Variants in MRPL45 observed in about 807,000 individuals in gnomAD.
MRPL45 encodes the protein large ribosomal subunit protein mL45.
A neutral mutation model predicts 38.1 loss-of-function variants in MRPL45; 20 were observed. That is an observed-to-expected ratio of 0.53 (90% CI 0.37 to 0.76). MRPL45 has a LOEUF of 0.76. Among genes scored for constraint, MRPL45 ranks in the 30% least tolerant of loss-of-function variants. MRPL45 has a pLI of 0.00. For synonymous variants in MRPL45, 105 were observed against 128.8 expected (o/e 0.82, Z 1.25); for missense variants, 337 against 395.6 (o/e 0.85, Z 1.26).
chr17:38,308,566 A>G (rs1181002575), intron 4 of MRPL45, among the ~76,000 whole-genome samples: 1 of 151,626 alleles, frequency 6.6e-6, no homozygotes, highest in Non-Finnish European at 1.5e-5. Context: ...TTAACCTCCC[A>G]AGTAACTGGG....
intron 4 of MRPL45, among the ~76,000 whole-genome samples, chr17:38,314,555 T>C (rs2037155971): frequency 6.6e-6 from 1 of 152,204 alleles, no homozygotes. Context: ...TGTCATGAAG[T>C]ATTTCCCCTT....
chr17:38,299,175 A>T (rs1323153349), intron 2 of MRPL45, among the ~76,000 whole-genome samples, 176 bp from the exon 3 acceptor site: 2 of 152,090 alleles, frequency 1.3e-5, no homozygotes. Context: ...GGTGTGAGCC[A>T]CTGTGCCCGG....
At chr17:38,315,436 T>TG (rs1491194575) in intron 4 of MRPL45, among the ~76,000 whole-genome samples, 2 of 151,760 alleles carry the variant, frequency 1.3e-5, no homozygotes, top group Admixed American at 6.6e-5. Context: ...TTTTTTTTTT[T>TG]TCTAATTTTT....
At chr17:38,298,070 C>G (rs1011214421) in intron 1 of MRPL45, among the ~76,000 whole-genome samples, 7 of 152,132 alleles carry the variant, frequency 4.6e-5, no homozygotes, top group African/African-American at 1.7e-4. Context: ...GCACTCTAGG[C>G]TAGCGATCTG....
chr17:38,318,553 A>G (rs780164915), intron 4 of MRPL45, 134 bp from the exon 5 acceptor site: 10 of 572,332 alleles, frequency 1.7e-5, no homozygotes, highest in Non-Finnish European at 2.6e-5. Context: ...AGCATATTTT[A>G]TACCTGGCTT....
chr17:38,303,820 G>A (rs554227366), intron 3 of MRPL45, among the ~76,000 whole-genome samples: 54 of 151,022 alleles, frequency 3.6e-4, no homozygotes, highest in African/African-American at 1.0e-3. Context: ...TCCGCCTCCC[G>A]GGTTCAAGCG....
At position 38,303,283 on chromosome 17, in the gene MRPL45, A is replaced by G. The variant is rs1041749378; in HGVS notation, c.363-3250A>G. Among the ~76,000 whole-genome samples, 6 of 150,790 alleles carry G rather than the reference A, an allele frequency of 4.0e-5. No individual in the cohort carries two copies. In the East Asian group the frequency reaches 1.2e-3, roughly 29 times the overall value. On this transcript the variant is annotated intron_variant, in intron 3 of 7. Coordinates refer to ENST00000613675, the MANE Select transcript of MRPL45 (RefSeq NM_032351.6). Reference sequence around the variant, plus strand: ...GTAATTTCCTCTCTGTGCATTCAAAACATTAAATTTTTTTTTTTTTTTTTT... The same window carrying G: ...GTAATTTCCTCTCTGTGCATTCAAAGCATTAAATTTTTTTTTTTTTTTTTT...
chr17:38,304,878 G>C (rs1213609525), intron 3 of MRPL45, among the ~76,000 whole-genome samples: 2 of 132,886 alleles, frequency 1.5e-5, no homozygotes, highest in African/African-American at 5.7e-5. Flanking sequence ...ACGAAGTCTC[G>C]CTCTGTCACC....
rs1237444786 is a variant in MRPL45, at chr17:38,298,645, C to A, written c.244+19C>A. 6.4e-7 allele frequency: 1 copy of A among 1,560,754 alleles called. No homozygotes were observed. Among genetic ancestry groups the A allele is most frequent in the African/African-American group, 1.4e-5 (1 of 73,518 alleles). On this transcript the variant is annotated intron_variant, in intron 2 of 7. Transcript: ENST00000613675. ...TGTACAGGTGAGGTATTTCTGGGAC[C>A]CTGACCTGGGATCCTTCTGTCAGAG... is the stretch of plus-strand genomic sequence containing the variant.
At chr17:38,311,929 A>G (rs1327186210) in intron 4 of MRPL45, among the ~76,000 whole-genome samples, 1 of 152,274 alleles carries the variant, frequency 6.6e-6, no homozygotes, top group African/African-American at 2.4e-5. Context: ...GGTACCTCAC[A>G]TAAGTGGAAT....
intron 4 of MRPL45, among the ~76,000 whole-genome samples, chr17:38,307,988 C>T (rs2037071084): frequency 6.6e-6 from 1 of 151,912 alleles, no homozygotes; most frequent in Non-Finnish European, 1.5e-5. Flanking sequence ...TCATTGCAGC[C>T]TCAGCTCCGG....
At chr17:38,322,338 A>G (rs755882361) in intron 7 of MRPL45, 39 bp downstream of exon 7, 53 of 1,582,242 alleles carry the variant, frequency 3.3e-5, no homozygotes, top group Admixed American at 1.0e-4. Flanking sequence ...CTGAGGCACT[A>G]CTCGTGGTCT....
chr17:38,316,149 A>G (rs971488347), intron 4 of MRPL45, among the ~76,000 whole-genome samples: 1 of 151,962 alleles, frequency 6.6e-6, no homozygotes, highest in Non-Finnish European at 1.5e-5. Flanking sequence ...TGTATTTGGT[A>G]TACTTGATGA....
At position 38,322,803 on chromosome 17, in the gene MRPL45, T is replaced by C; in HGVS notation, c.*208T>C. 3.7e-6 allele frequency: 2 copies of C among 537,410 alleles called. No homozygotes were observed. The highest frequency in any genetic ancestry group is 6.6e-6 in the Non-Finnish European group (2 of 304,916). The allele number at this position is 537,410 out of a possible 1,614,324, so 33.3% of individuals were successfully genotyped here. A position where few individuals can be genotyped will look rare whatever the true frequency, so the allele number is the denominator to read the frequency against. On this transcript the variant is annotated 3_prime_UTR_variant, in exon 8 of 8. Transcript: ENST00000613675. The stretch of plus-strand genomic sequence containing the variant: ...TAACATGGCCATGGACACTCTTCTT[T>C]TTTAAATTTTATGTCTAGCTTCTGA...
At chr17:38,316,202 T>C (rs1477394409) in intron 4 of MRPL45, among the ~76,000 whole-genome samples, 2 of 152,176 alleles carry the variant, frequency 1.3e-5, no homozygotes, top group Non-Finnish European at 2.9e-5. Context: ...TTTTTTCCAT[T>C]ATTTTTTCTC....
At position 38,300,674 on chromosome 17, in the gene MRPL45, C is replaced by T. The variant is rs566793860; in HGVS notation, c.362+1206C>T. ...ACATATAGATTTTATTGGCTGGGTG[C>T]GGTGGCTCACGTCTGTAATCCCAGC... On this transcript the variant is annotated intron_variant, in intron 3 of 7. Coordinates refer to ENST00000613675, the MANE Select transcript of MRPL45 (RefSeq NM_032351.6). 3.3e-5 allele frequency among the ~76,000 whole-genome samples: 5 copies of T among 152,036 alleles called. No individual in the cohort carries two copies. The East Asian group carries it at 5.8e-4, about 18-fold the overall frequency.
chr17:38,320,913 C>T, intron 6 of MRPL45, 146 bp downstream of exon 6: 3 of 744,122 alleles, frequency 4.0e-6, no homozygotes, highest in Non-Finnish European at 6.7e-6. Context: ...TGCCGCTGTC[C>T]CCTTCCCACT....
chr17:38,301,531 A>G (rs1249309256), intron 3 of MRPL45, among the ~76,000 whole-genome samples: 3 of 151,920 alleles, frequency 2.0e-5, no homozygotes, highest in Admixed American at 6.6e-5. Flanking sequence ...GTGAGCCACC[A>G]CGCTGGGCTA....
chr17:38,310,591 A>G (rs2037102551), intron 4 of MRPL45, among the ~76,000 whole-genome samples: 1 of 151,962 alleles, frequency 6.6e-6, no homozygotes, highest in Non-Finnish European at 1.5e-5. Flanking sequence ...AGCCTCCCAA[A>G]GTGCTGGGAT....
Sources: gnomAD v4.1 joint callset for allele counts (sites outside exome capture counted in the v4.1 genomes callset) on GRCh38, gnomAD v4.1.1 for gene constraint, MANE v1.5 for transcripts, NCBI Gene and HGNC (gene_info 2026-07-23, HGNC 2026-07-21) for gene names.